CAST: variants seen among roughly 807,000 people sequenced by gnomAD.
CAST encodes MIR583 host.
CAST carries 76 observed loss-of-function variants against 119.6 expected under a neutral mutation model. The ratio of observed to expected loss-of-function variants is 0.64; its 90% CI spans 0.53 to 0.77. CAST has a LOEUF of 0.77. CAST is among the 30% of genes least tolerant of loss of function. The pLI, the probability that CAST is intolerant of heterozygous loss-of-function variation, is 0.00. For missense variants in CAST, 953 were observed against 946.5 expected (o/e 1.01, Z -0.09); for synonymous variants, 319 against 331.6 (o/e 0.96, Z 0.41).
upstream of CAST, among the ~76,000 whole-genome samples, chr5:96,524,973 T>C (rs1745575672): frequency 6.6e-6 from 1 of 152,208 alleles, no homozygotes; most frequent in Non-Finnish European, 1.5e-5. Flanking sequence ...GGGAATGATA[T>C]TGATTACTGA....
At chr5:96,672,462 C>T (rs553039990) in intron 1 of CAST, among the ~76,000 whole-genome samples, 7 of 152,176 alleles carry the variant, frequency 4.6e-5, no homozygotes, top group Admixed American at 6.5e-5. Context: ...GTAATCCCAA[C>T]GCTTTGGGAG....
At chr5:96,511,267 C>T in the CAST span, among the ~76,000 whole-genome samples, 15 of 152,316 alleles carry the variant, frequency 9.8e-5, no homozygotes, top group African/African-American at 3.6e-4. Context: ...GCCTCAGCCT[C>T]CTGAGTAGCT....
At chr5:96,374,843 G>T in the CAST span, among the ~76,000 whole-genome samples, 2 of 152,178 alleles carry the variant, frequency 1.3e-5, no homozygotes, top group Non-Finnish European at 2.9e-5. Flanking sequence ...TTCTTCTGGG[G>T]TTGTGGCGCT....
chr5:96,093,205 G>A, the CAST span, among the ~76,000 whole-genome samples: 23 of 152,272 alleles, frequency 1.5e-4, no homozygotes, highest in African/African-American at 1.9e-4. Flanking sequence ...ATCAGCATTC[G>A]GTGACCCAAT....
the CAST span, chr5:95,961,823 A>T: frequency 7.1e-7 from 1 of 1,407,058 alleles, no homozygotes; most frequent in South Asian, 1.5e-5. Context: ...TGCTAGGGCC[A>T]TCCCGCTGCT....
chr5:96,639,102 T>C (rs1319133099), intron 1 of CAST, among the ~76,000 whole-genome samples: 1 of 152,216 alleles, frequency 6.6e-6, no homozygotes, highest in East Asian at 1.9e-4. Context: ...ACCAACATTG[T>C]ATATAACTCC....
At chr5:96,340,943 A>G in the CAST span, among the ~76,000 whole-genome samples, 881 of 152,344 alleles carry the variant, frequency 5.8e-3, 8 homozygotes, top group African/African-American at 0.019. Context: ...TTCATAGTCA[A>G]AATCTACCAT....
the CAST span, among the ~76,000 whole-genome samples, chr5:96,355,942 T>C: frequency 0.012 from 1,765 of 152,262 alleles, 32 homozygotes; most frequent in African/African-American, 0.04. Context: ...CCTCATGATC[T>C]GCCCAGCTTG....
the CAST span, among the ~76,000 whole-genome samples, chr5:96,291,638 A>G: frequency 3.9e-4 from 60 of 152,042 alleles, no homozygotes; most frequent in Non-Finnish European, 7.1e-4. Flanking sequence ...GTGGAGGTGA[A>G]TGGGGCTCAG....
rs1270713776 is a variant in CAST, at chr5:96,534,756, A to G, written c.60+4876A>G. 5.1e-3 allele frequency among the ~76,000 whole-genome samples: 347 copies of G among 67,806 alleles called. 1 individual carries two copies. Among genetic ancestry groups the G allele is most frequent in the East Asian group, 9.1e-3 (30 of 3,306 alleles). 44.5% of individuals were successfully genotyped at this position (67,806 alleles called of 152,430 possible). A position where few individuals can be genotyped will look rare whatever the true frequency, so the allele number is the denominator to read the frequency against. On this transcript the variant is annotated intron_variant, in intron 1 of 11. Coordinates refer to the CAST transcript ENST00000505143. Reference sequence around the variant, plus strand: ...GAGAGAGAGAGAAAGAAAGAAAGAAAGAAAGAAAGAAAGAAAGAAAGAAAG... The same window carrying G: ...GAGAGAGAGAGAAAGAAAGAAAGAAGGAAAGAAAGAAAGAAAGAAAGAAAG...
the CAST span, chr5:95,961,536 C>A: frequency 9.9e-6 from 15 of 1,522,212 alleles, no homozygotes; most frequent in African/African-American, 1.9e-4. Context: ...GGGGTGCGCT[C>A]TGCCTCTCTG....
intron 24 of CAST, 37 bp downstream of exon 24, chr5:96,757,691 T>TG (rs1166942292): frequency 7.1e-7 from 1 of 1,402,252 alleles, no homozygotes; most frequent in Admixed American, 2.0e-5. Flanking sequence ...TCTTTAGTTT[T>TG]TTTTTTTTTT....
chr5:96,758,146 C>G (rs1028263140), intron 24 of CAST, among the ~76,000 whole-genome samples: 2 of 152,084 alleles, frequency 1.3e-5, no homozygotes, highest in Non-Finnish European at 2.9e-5. Flanking sequence ...ATAGTGGATG[C>G]TTTTATTAGT....
intron 1 of CAST, among the ~76,000 whole-genome samples, chr5:96,643,601 G>A (rs776769457): frequency 1.8e-4 from 27 of 152,100 alleles, no homozygotes; most frequent in African/African-American, 5.3e-4. Flanking sequence ...TGGGCCAGGC[G>A]CAATGGCTCA....
intron 1 of CAST, among the ~76,000 whole-genome samples, chr5:96,540,793 A>G (rs933028650): frequency 2.6e-5 from 4 of 152,174 alleles, no homozygotes; most frequent in African/African-American, 9.7e-5. Flanking sequence ...TTGGTCAGCT[A>G]TGATGTAGGA....
At chr5:96,102,485 G>C in the CAST span, among the ~76,000 whole-genome samples, 2 of 152,102 alleles carry the variant, frequency 1.3e-5, no homozygotes, top group Non-Finnish European at 1.5e-5. Flanking sequence ...TTGGTAAAAA[G>C]ACAATATTCA....
chr5:96,032,469 G>C, the CAST span, among the ~76,000 whole-genome samples: 1 of 152,104 alleles, frequency 6.6e-6, no homozygotes, highest in Non-Finnish European at 1.5e-5. Flanking sequence ...CTTTAGAATA[G>C]AGGAATTAAT....
chr5:96,620,482 T>A (rs965321057), intron 1 of CAST, among the ~76,000 whole-genome samples: 2 of 152,190 alleles, frequency 1.3e-5, no homozygotes, highest in African/African-American at 2.4e-5. Context: ...TCAGCCATGA[T>A]ATCATGAGGG....
chr5:96,389,953 G>A, the CAST span, among the ~76,000 whole-genome samples: 2 of 152,020 alleles, frequency 1.3e-5, no homozygotes, highest in African/African-American at 4.8e-5. Context: ...AAAAAAGTTG[G>A]AACTTTGAGG....
Sources: allele counts gnomAD v4.1 joint callset (sites outside exome capture counted in the v4.1 genomes callset), GRCh38; gene constraint gnomAD v4.1.1; transcripts MANE v1.5; gene names NCBI Gene and HGNC (gene_info 2026-07-23, HGNC 2026-07-21).